Variants in ZBTB7C observed in about 807,000 individuals in gnomAD.
ZBTB7C encodes zinc finger and BTB domain-containing protein 7C.
Under a neutral mutation model 25.7 loss-of-function variants are expected in ZBTB7C, and 8 were observed. The ratio of observed to expected loss-of-function variants is 0.31; its 90% CI spans 0.18 to 0.56. The LOEUF (loss-of-function observed/expected upper bound fraction) is 0.56, where lower values mean the gene tolerates loss of function less well. ZBTB7C is among the 20% of genes least tolerant of loss of function. The pLI, the probability that ZBTB7C is intolerant of heterozygous loss-of-function variation, is 0.91. For missense variants in ZBTB7C, 824 were observed against 855.2 expected, an observed-to-expected ratio of 0.96 and a Z score of 0.46; for synonymous variants, 394 against 369.0, an observed-to-expected ratio of 1.07 and a Z score of -0.78.
chr18:48,312,905 G>A (rs980572688), intron 2 of ZBTB7C, among the ~76,000 whole-genome samples: 2 of 152,222 alleles, frequency 1.3e-5, no homozygotes, highest in Non-Finnish European at 2.9e-5. Flanking sequence ...GGGCAGGGAT[G>A]TCAATACATC....
At chr18:48,304,869 C>G (rs1362325720) in intron 2 of ZBTB7C, among the ~76,000 whole-genome samples, 1 of 136,932 alleles carries the variant, frequency 7.3e-6, no homozygotes, top group Non-Finnish European at 1.6e-5. Flanking sequence ...AAAAAGATAG[C>G]CTTGTTAGAT....
intron 2 of ZBTB7C, among the ~76,000 whole-genome samples, chr18:48,215,250 C>T (rs1043029609): frequency 5.3e-5 from 8 of 152,178 alleles, no homozygotes; most frequent in African/African-American, 1.7e-4. Context: ...ATAGCATCCC[C>T]AGCTTGGTAG....
chr18:48,341,229 C>A (rs2046592010), intron 1 of ZBTB7C, among the ~76,000 whole-genome samples: 1 of 152,206 alleles, frequency 6.6e-6, no homozygotes, highest in East Asian at 1.9e-4. Flanking sequence ...GCCTTCTTGA[C>A]TACTTCTTGG....
chr18:48,294,100 T>C (rs140724441), intron 2 of ZBTB7C, among the ~76,000 whole-genome samples: 1 of 152,364 alleles, frequency 6.6e-6, no homozygotes, highest in Non-Finnish European at 1.5e-5. Flanking sequence ...AGCAAGCTGC[T>C]GGCGTGGTTC....
intron 2 of ZBTB7C, among the ~76,000 whole-genome samples, chr18:48,276,930 G>A (rs2044676168): frequency 7.1e-6 from 1 of 141,732 alleles, no homozygotes; most frequent in African/African-American, 2.6e-5. Flanking sequence ...GTGTAAAAGT[G>A]TTCCTATTTC....
chr18:48,178,819 C>T (rs2145080285), intron 3 of ZBTB7C, among the ~76,000 whole-genome samples: 1 of 152,280 alleles, frequency 6.6e-6, no homozygotes, highest in Admixed American at 6.5e-5. Flanking sequence ...TGCTCTGTGT[C>T]TGAGACACTG....
At chr18:48,257,682 A>G (rs2044058599) in intron 2 of ZBTB7C, among the ~76,000 whole-genome samples, 1 of 152,204 alleles carries the variant, frequency 6.6e-6, no homozygotes, top group South Asian at 2.1e-4. Context: ...GAATTTGACA[A>G]TATTTTAAAA....
intron 2 of ZBTB7C, among the ~76,000 whole-genome samples, chr18:48,308,550 T>C (rs1389167440): frequency 2.0e-5 from 3 of 152,194 alleles, no homozygotes; most frequent in Admixed American, 6.5e-5. Flanking sequence ...GAGTTTCCAA[T>C]TGGACCAATA....
chr18:48,378,936 G>T (rs1213858369), intron 1 of ZBTB7C, among the ~76,000 whole-genome samples: 1 of 152,148 alleles, frequency 6.6e-6, no homozygotes, highest in Non-Finnish European at 1.5e-5. Flanking sequence ...GCTAATATAA[G>T]TGTTCTGAGC....
At chr18:48,208,583 A>C (rs2042632956) in intron 2 of ZBTB7C, among the ~76,000 whole-genome samples, 1 of 151,802 alleles carries the variant, frequency 6.6e-6, no homozygotes, top group African/African-American at 2.4e-5. Flanking sequence ...ATATCGTTTA[A>C]CTCCTGCAGG....
intron 2 of ZBTB7C, 88 bp downstream of exon 2, chr18:48,338,086 G>A (rs1016017021): frequency 1.3e-5 from 2 of 152,166 alleles, no homozygotes; most frequent in African/African-American, 4.8e-5. Context: ...TCTTCCCACA[G>A]GTTGACATTT....
chr18:48,369,121 T>C lies in ZBTB7C; in HGVS notation c.-303-30723A>G, dbSNP rs1057405356. 2.6e-5 allele frequency among the ~76,000 whole-genome samples: 4 copies of C among 152,194 alleles called. No homozygotes were observed. In the South Asian group the frequency reaches 6.2e-4, roughly 24 times the overall value. On this transcript the variant is annotated intron_variant, in intron 1 of 4. Transcript: ENST00000590800. ...ATTGTCTGATGTGGTTCTAAATGTATGTAGAACAAACATTTAAGACAATTA... is the reference window on the plus strand; with the variant it reads ...ATTGTCTGATGTGGTTCTAAATGTACGTAGAACAAACATTTAAGACAATTA...
chr18:48,065,340 C>T (rs2037287918), intron 3 of ZBTB7C, among the ~76,000 whole-genome samples: 1 of 152,132 alleles, frequency 6.6e-6, no homozygotes, highest in Admixed American at 6.5e-5. Flanking sequence ...CTCTCTCACA[C>T]ACACACACAC....
At chr18:48,260,637 C>T (rs1471395411) in intron 2 of ZBTB7C, among the ~76,000 whole-genome samples, 2 of 152,196 alleles carry the variant, frequency 1.3e-5, no homozygotes, top group South Asian at 4.1e-4. Context: ...AGCTCCCTTC[C>T]GGTCAGGGAG....
At chr18:48,297,562 G>A (rs941881795) in intron 2 of ZBTB7C, among the ~76,000 whole-genome samples, 1 of 152,158 alleles carries the variant, frequency 6.6e-6, no homozygotes, top group African/African-American at 2.4e-5. Context: ...CTGGAACATG[G>A]CAGCAATCAC....
chr18:48,347,140 T>G (rs1473165023), intron 1 of ZBTB7C, among the ~76,000 whole-genome samples: 9 of 145,558 alleles, frequency 6.2e-5, no homozygotes, highest in African/African-American at 1.8e-4. Context: ...TTTTTTTTTT[T>G]TTTTTTTTGA....
intron 2 of ZBTB7C, among the ~76,000 whole-genome samples, chr18:48,285,827 T>C (rs554397850): frequency 6.6e-6 from 1 of 152,338 alleles, no homozygotes; most frequent in South Asian, 2.1e-4. Flanking sequence ...GGGCAATTTT[T>C]TTTATTTTTG....
intron 3 of ZBTB7C, among the ~76,000 whole-genome samples, chr18:48,138,119 CA>C (rs2040230533): frequency 6.6e-6 from 1 of 152,232 alleles, no homozygotes; most frequent in East Asian, 1.9e-4. Context: ...AAAATAAGCA[CA>C]AAACAAGAGT....
intron 1 of ZBTB7C, among the ~76,000 whole-genome samples, chr18:48,384,660 A>G (rs144065156): frequency 4.6e-5 from 7 of 152,072 alleles, no homozygotes; most frequent in Non-Finnish European, 8.8e-5. Context: ...ATCAGCTATC[A>G]TTAGTGTTTA....
Sources: gnomAD v4.1 joint callset for allele counts (sites outside exome capture counted in the v4.1 genomes callset) on GRCh38, gnomAD v4.1.1 for gene constraint, MANE v1.5 for transcripts, NCBI Gene and HGNC (gene_info 2026-07-23, HGNC 2026-07-21) for gene names.